The following AOX1 variants were observed in gnomAD, a reference collection of about 807,000 sequenced individuals.
AOX1 encodes the protein aldehyde oxidase.
Under a neutral mutation model 169.5 loss-of-function variants are expected in AOX1, and 153 were observed. The observed-to-expected ratio is 0.90, with a 90% CI of 0.79 to 1.03. The LOEUF is 1.03. Among genes scored for constraint, AOX1 ranks in the 50% least tolerant of loss-of-function variants. The pLI is 0.00. For missense variants in AOX1, 1,656 were observed against 1,663.9 expected, an observed-to-expected ratio of 1.00 and a Z score of 0.08; for synonymous variants, 562 against 581.9, an observed-to-expected ratio of 0.97 and a Z score of 0.49.
intron 16 of AOX1, among the ~76,000 whole-genome samples, chr2:200,616,313 T>C (rs2034757645): frequency 6.6e-6 from 1 of 152,248 alleles, no homozygotes; most frequent in African/African-American, 2.4e-5. Flanking sequence ...CTTTGCACTG[T>C]GGCCTTGTAC....
chr2:200,633,969 AG>A (rs1170045810), intron 20 of AOX1, among the ~76,000 whole-genome samples: 1 of 152,044 alleles, frequency 6.6e-6, no homozygotes, highest in Admixed American at 6.6e-5. Context: ...CCCAATAGAG[AG>A]GCTGGGACAC....
At chr2:200,631,171 G>A (rs538183775) in intron 20 of AOX1, among the ~76,000 whole-genome samples, 2 of 152,274 alleles carry the variant, frequency 1.3e-5, no homozygotes, top group South Asian at 4.2e-4. Flanking sequence ...TCTAATCCCG[G>A]TGTCACAGCA....
chr2:200,621,569 C>A lies in AOX1; in HGVS notation c.2001+323C>A, dbSNP rs77051560. Among the ~76,000 whole-genome samples the A allele has an allele frequency of 3.3e-3, 506 of 151,728 alleles. 4 individuals carry two copies. The highest frequency in any genetic ancestry group is 0.012 in the African/African-American group (488 of 41,334). On this transcript the variant is annotated intron_variant, in intron 18 of 34. Coordinates refer to ENST00000374700, the MANE Select transcript of AOX1 (RefSeq NM_001159.4). ...TATGGAAATCCCTTCCCTGAGAAGC[C>A]CTTATTATTGTCCCAGTCTCAGTGT... is the stretch of plus-strand genomic sequence containing the variant.
intron 10 of AOX1, among the ~76,000 whole-genome samples, chr2:200,608,655 A>G (rs2034565861): frequency 5.3e-5 from 8 of 152,186 alleles, no homozygotes; most frequent in Admixed American, 4.6e-4. Context: ...ATAATACTCA[A>G]TAGAGTGAGT....
intron 25 of AOX1, among the ~76,000 whole-genome samples, chr2:200,647,786 ATTC>A (rs1377185590): frequency 6.6e-6 from 1 of 152,054 alleles, no homozygotes; most frequent in Non-Finnish European, 1.5e-5. Context: ...CCTATTTTCT[ATTC>A]TTTTCTCCTT....
Position 200,638,297 on chromosome 2 carries a change from T to C in AOX1, c.2563T>C (p.Tyr855His). 6.2e-7 allele frequency: 1 copy of C among 1,613,494 alleles called. No homozygotes were observed. The highest frequency in any genetic ancestry group is 2.2e-5 in the East Asian group (1 of 44,868). ...AGGCCGCCATCCTTACCTTGGAAAG[T>C]ACAAAGTGAGTACAAGAGGGCATGG... is the stretch of plus-strand genomic sequence containing the variant. Reference protein sequence around the residue: ...TGGRHPYLGKYKAGFMNDGRI... With the variant: ...TGGRHPYLGKHKAGFMNDGRI... The change falls in exon 23 of 35, where the codon TAC becomes CAC. Residue 855 changes from tyrosine (Y) to histidine (H), a missense_variant. Tyr to His is a moderately conservative substitution (Grantham distance 83). Coordinates refer to ENST00000374700, the MANE Select transcript of AOX1 (RefSeq NM_001159.4).
chr2:200,660,974 C>T (rs2035808546), intron 29 of AOX1, among the ~76,000 whole-genome samples: 1 of 152,172 alleles, frequency 6.6e-6, no homozygotes, highest in Non-Finnish European at 1.5e-5. Flanking sequence ...TGAGATGCAG[C>T]CATTCAGCCC....
intron 26 of AOX1, among the ~76,000 whole-genome samples, chr2:200,655,201 T>C (rs1345829423): frequency 6.6e-6 from 1 of 152,210 alleles, no homozygotes; most frequent in East Asian, 1.9e-4. Context: ...TGTGTGTTGC[T>C]ATGTTGCATT....
At chr2:200,654,286 G>T (rs369653511) in intron 26 of AOX1, among the ~76,000 whole-genome samples, 1 of 150,904 alleles carries the variant, frequency 6.6e-6, no homozygotes, top group African/African-American at 2.4e-5. Context: ...CCACCACCCT[G>T]GTTAGTCAGC....
chr2:200,588,726 C>CTTTGTTTTTTTTTTTTTT (rs2034096184), intron 1 of AOX1, among the ~76,000 whole-genome samples: 1 of 53,986 alleles, frequency 1.9e-5, no homozygotes, highest in Non-Finnish European at 3.9e-5. Flanking sequence ...CTAGAATAAG[C>CTTTGTTTTTTTTTTTTTT]TTTTTTTTTT....
At chr2:200,661,965 T>C (rs950117836) in intron 30 of AOX1, among the ~76,000 whole-genome samples, 5 of 152,134 alleles carry the variant, frequency 3.3e-5, no homozygotes, top group Non-Finnish European at 5.9e-5. Flanking sequence ...ACGATCTATC[T>C]CTTAAGAAAC....
chr2:200,630,056 C>A (rs546885121), intron 20 of AOX1, among the ~76,000 whole-genome samples: 1 of 151,750 alleles, frequency 6.6e-6, no homozygotes, highest in African/African-American at 2.4e-5. Context: ...ACCTGGTCAA[C>A]GTAGCAAGAT....
chr2:200,637,094 C>A, intron 22 of AOX1, 50 bp downstream of exon 22: 2 of 1,606,370 alleles, frequency 1.2e-6, no homozygotes, highest in South Asian at 1.1e-5. Flanking sequence ...ACTGAAAGTT[C>A]TCACTGTCAG....
chr2:200,603,007 T>C (rs1056632047), intron 6 of AOX1, among the ~76,000 whole-genome samples: 9 of 152,216 alleles, frequency 5.9e-5, no homozygotes, highest in Non-Finnish European at 1.2e-4. Context: ...TAATATTTAC[T>C]ATTTAATGCT....
chr2:200,670,647 G>C lies in AOX1; in HGVS notation c.3985G>C (p.Gly1329Arg), dbSNP rs1047557474. 1 of 1,612,616 alleles carries C rather than the reference G, an allele frequency of 6.2e-7. No individual in the cohort carries two copies. The change falls in exon 35 of 35, where the codon GGA (glycine) becomes CGA (arginine). Residue 1329 changes from glycine (G) to arginine (R), a missense_variant. Transcript: ENST00000374700. Reference protein sequence around the residue: ...FTKMIPRDEPGSYVPWNVPI With the variant: ...FTKMIPRDEPRSYVPWNVPI ...ATTTTAGATTCCGAGAGATGAACCT[G>C]GATCCTACGTTCCTTGGAATGTACC...
Position 200,635,021 on chromosome 2 carries a change from G to A in AOX1, c.2346+106G>A, listed in dbSNP as rs2035202793. 2.8e-6 allele frequency: 4 copies of A among 1,417,724 alleles called. No homozygotes were observed. The African/African-American group carries it at 5.7e-5, about 20-fold the overall frequency. The allele number at this position is 1,417,724 out of a possible 1,614,324, so 87.8% of individuals were successfully genotyped here. ...AGTATATTTGGGAATTTGAGGTGGG[G>A]GGATTGCTTGAACCCAGGAGCTCAA... On this transcript the variant is annotated intron_variant, in intron 21 of 34. Transcript: ENST00000374700.
chr2:200,636,294 A>G (rs2035231695), intron 21 of AOX1, among the ~76,000 whole-genome samples: 1 of 151,356 alleles, frequency 6.6e-6, no homozygotes, highest in Admixed American at 6.6e-5. Context: ...ATGCCCAACT[A>G]CTTTTTGTAT....
At chr2:200,618,053 A>C (rs187930821) in intron 16 of AOX1, among the ~76,000 whole-genome samples, 169 of 152,270 alleles carry the variant, frequency 1.1e-3, no homozygotes, top group African/African-American at 3.9e-3. Flanking sequence ...GACTGTCTCC[A>C]ATCTGTGCTC....
chr2:200,674,676 G>A (rs890708816), downstream of AOX1, among the ~76,000 whole-genome samples: 3 of 152,316 alleles, frequency 2.0e-5, no homozygotes, highest in East Asian at 1.9e-4. Flanking sequence ...GCACGGGCCC[G>A]ACAGCATGGG....
Sources: gnomAD v4.1 joint callset for allele counts (sites outside exome capture counted in the v4.1 genomes callset) on GRCh38, gnomAD v4.1.1 for gene constraint, MANE v1.5 for transcripts, NCBI Gene and HGNC (gene_info 2026-07-23, HGNC 2026-07-21) for gene names.